Variants in CARMIL1 observed in about 807,000 individuals in gnomAD.
CARMIL1 encodes F-actin-uncapping protein LRRC16A.
Under a neutral mutation model 177.1 loss-of-function variants are expected in CARMIL1, and 90 were observed. That is an observed-to-expected ratio of 0.51 (90% CI 0.43 to 0.61). The LOEUF (loss-of-function observed/expected upper bound fraction) is 0.61, where lower values mean the gene tolerates loss of function less well. Among genes scored for constraint, CARMIL1 ranks in the 20% least tolerant of loss-of-function variants. CARMIL1 has a pLI of 0.00. For synonymous variants in CARMIL1, 577 were observed against 606.2 expected, an observed-to-expected ratio of 0.95 and a Z score of 0.71; for missense variants, 1,380 against 1,667.0, an observed-to-expected ratio of 0.83 and a Z score of 3.00.
intron 2 of CARMIL1, among the ~76,000 whole-genome samples, chr6:25,408,946 ACAACTGTC>A (rs1794656898): frequency 1.3e-5 from 2 of 152,102 alleles, no homozygotes; most frequent in South Asian, 4.1e-4. Flanking sequence ...TTTAATCCCC[ACAACTGTC>A]CAACAGAGTC....
chr6:25,309,766 C>CTTTT (rs34514583), intron 2 of CARMIL1, among the ~76,000 whole-genome samples: 4 of 116,914 alleles, frequency 3.4e-5, no homozygotes, highest in Admixed American at 1.9e-4. Flanking sequence ...TATACCACAT[C>CTTTT]TTTTTTTTTT....
At chr6:25,281,136 G>GCGCGCGCGCACACA (rs10642536) in intron 1 of CARMIL1, among the ~76,000 whole-genome samples, 33 of 132,192 alleles carry the variant, frequency 2.5e-4, no homozygotes, top group Middle Eastern at 3.8e-3. Flanking sequence ...GTGCGCGCGC[G>GCGCGCGCGCACACA]CACACACACA....
chr6:25,443,427 A>G (rs1797945765), intron 5 of CARMIL1, among the ~76,000 whole-genome samples: 1 of 152,226 alleles, frequency 6.6e-6, no homozygotes, highest in South Asian at 2.1e-4. Flanking sequence ...AAAATAGACA[A>G]AAATCATGCT....
intron 12 of CARMIL1, among the ~76,000 whole-genome samples, chr6:25,483,831 G>A (rs183993462): frequency 8.0e-4 from 122 of 152,030 alleles, no homozygotes; most frequent in Non-Finnish European, 1.5e-3. Flanking sequence ...GCAGTGGTAC[G>A]ATCTTGGCTT....
At chr6:25,479,019 T>G in intron 11 of CARMIL1, 1 of 461,178 alleles carries the variant, frequency 2.2e-6, no homozygotes, top group Non-Finnish European at 4.3e-6. Context: ...GGTAGAAATG[T>G]AAAAATTTTT....
intron 29 of CARMIL1, among the ~76,000 whole-genome samples, chr6:25,563,031 G>C (rs983891999): frequency 2.0e-5 from 3 of 152,134 alleles, no homozygotes; most frequent in Non-Finnish European, 4.4e-5. Flanking sequence ...TATGACATAG[G>C]AATATACTTA....
rs1166997029 is a variant in CARMIL1, at chr6:25,408,292, T to TAAA, written c.139-11802_139-11800dup. Among the ~76,000 whole-genome samples, 234 of 96,432 alleles carry TAAA rather than the reference T, an allele frequency of 2.4e-3. No homozygotes were observed. The Middle Eastern group carries it at 0.03, about 13-fold the overall frequency. The allele number at this position is 96,432 out of a possible 152,430, so 63.3% of individuals were successfully genotyped here. A position where few individuals can be genotyped will look rare whatever the true frequency, so the allele number is the denominator to read the frequency against. On this transcript the variant is annotated intron_variant, in intron 2 of 36. Coordinates refer to ENST00000329474, the MANE Select transcript of CARMIL1 (RefSeq NM_017640.6). ...GACAGTAAAAGCCTGTCTCTTAAAATAAAAAAAAAAAAAAAAAAAAAAGAT... is the reference window on the plus strand; with the variant it reads ...GACAGTAAAAGCCTGTCTCTTAAAATAAAAAAAAAAAAAAAAAAAAAAAAAGAT...
chr6:25,373,392 CTTTTT>C (rs36050000), intron 2 of CARMIL1, among the ~76,000 whole-genome samples: 1 of 122,902 alleles, frequency 8.1e-6, no homozygotes, highest in South Asian at 2.7e-4. Flanking sequence ...TGGCCTTCGG[CTTTTT>C]TTTTTTTTTT....
chr6:25,400,715 A>G lies in CARMIL1; in HGVS notation c.139-19399A>G, dbSNP rs191349948. On this transcript the variant is annotated intron_variant, in intron 2 of 36. Coordinates refer to ENST00000329474, the MANE Select transcript of CARMIL1 (RefSeq NM_017640.6). The stretch of plus-strand genomic sequence containing the variant: ...GGCCATCAGAATGATTACCCAAGTG[A>G]TGTCACACAGCTGGCAACCTTCTTA... Among the ~76,000 whole-genome samples the G allele has an allele frequency of 7.2e-5, 11 of 152,364 alleles. No homozygotes were observed. The East Asian group carries it at 1.9e-3, about 27-fold the overall frequency.
chr6:25,290,718 T>C (rs1020824455), intron 2 of CARMIL1, among the ~76,000 whole-genome samples: 1 of 152,184 alleles, frequency 6.6e-6, no homozygotes, highest in Non-Finnish European at 1.5e-5. Flanking sequence ...CTGTTTTGTT[T>C]ACCTATTCTC....
chr6:25,403,981 A>C (rs549507265), intron 2 of CARMIL1, among the ~76,000 whole-genome samples: 5 of 152,320 alleles, frequency 3.3e-5, no homozygotes, highest in Non-Finnish European at 7.3e-5. Context: ...TGGTTGAAAG[A>C]ATTACTCAAA....
In CARMIL1 at chr6:25,515,382, C is replaced by T. The variant is rs1805882114; in HGVS notation, c.1633-293C>T. Among the ~76,000 whole-genome samples the T allele has an allele frequency of 1.3e-5, 2 of 152,000 alleles. No individual in the cohort carries two copies. Among genetic ancestry groups the T allele is most frequent in the South Asian group, 2.1e-4 (1 of 4,816 alleles). On this transcript the variant is annotated intron_variant, in intron 20 of 36. Coordinates refer to ENST00000329474, the MANE Select transcript of CARMIL1 (RefSeq NM_017640.6). This position sits in a 1 kb window ranked among gnomAD's most constrained non-coding sequence, Gnocchi z 5.0. ...TTTGTTATGTTTTTATTTATTTCAT[C>T]CTATCCTCTGCTTCACGCTGGCAGT...
chr6:25,538,009 G>A (rs145977245), intron 25 of CARMIL1, 26 bp downstream of exon 25: 2 of 1,580,694 alleles, frequency 1.3e-6, no homozygotes, highest in Non-Finnish European at 1.7e-6. Context: ...GGCTGTGTGA[G>A]AGTCTGGTAT....
chr6:25,362,006 T>A lies in CARMIL1; in HGVS notation c.139-58108T>A, dbSNP rs186985093. ...AGAAATTAAAAAAAGAAAGAAAAAA[T>A]TTTAAAAAATTCTTTTGAAAAATAA... is the stretch of plus-strand genomic sequence containing the variant. On this transcript the variant is annotated intron_variant, in intron 2 of 36. Transcript: ENST00000329474. Among the ~76,000 whole-genome samples, 403 of 151,374 alleles carry A rather than the reference T, an allele frequency of 2.7e-3. 2 individuals carry two copies. The highest frequency in any genetic ancestry group is 6.9e-3 in the African/African-American group (287 of 41,314).
intron 9 of CARMIL1, among the ~76,000 whole-genome samples, chr6:25,470,691 G>A (rs1801017765): frequency 1.3e-5 from 2 of 152,196 alleles, no homozygotes; most frequent in Non-Finnish European, 2.9e-5. Context: ...GGTGTCTGGT[G>A]AGGGCACAGT....
At chr6:25,395,204 G>A (rs1467656204) in intron 2 of CARMIL1, among the ~76,000 whole-genome samples, 1 of 152,178 alleles carries the variant, frequency 6.6e-6, no homozygotes, top group Non-Finnish European at 1.5e-5. Flanking sequence ...CCCATGCGCT[G>A]TTAAGAATAT....
At chr6:25,601,701 C>A (rs1815421724) in intron 33 of CARMIL1, among the ~76,000 whole-genome samples, 1 of 152,128 alleles carries the variant, frequency 6.6e-6, no homozygotes, top group African/African-American at 2.4e-5. Context: ...CAGAGAATAA[C>A]TTCATAGTTT....
chr6:25,472,291 A>G (rs1801158508), intron 10 of CARMIL1, 136 bp from the exon 11 acceptor site: 1 of 612,534 alleles, frequency 1.6e-6, no homozygotes. Flanking sequence ...ATGGGTATTA[A>G]GAAATATATG....
At chr6:25,461,409 A>G (rs1477587491) in intron 8 of CARMIL1, among the ~76,000 whole-genome samples, 1 of 152,252 alleles carries the variant, frequency 6.6e-6, no homozygotes, top group Non-Finnish European at 1.5e-5. Context: ...AAGAACAGTC[A>G]GGAGTCACAA....
Sources: gnomAD v4.1 joint callset for allele counts (sites outside exome capture counted in the v4.1 genomes callset) on GRCh38, gnomAD v4.1.1 for gene constraint, Gnocchi (gnomAD v3.1) non-coding constraint, MANE v1.5 for transcripts, NCBI Gene and HGNC (gene_info 2026-07-23, HGNC 2026-07-21) for gene names.